The following EXTL3 variants were observed in gnomAD, a reference collection of about 807,000 sequenced individuals.
EXTL3 encodes exostosin like glycosyltransferase 3.
In EXTL3, 27 loss-of-function variants were observed where a neutral mutation model predicts 69.3. The observed-to-expected ratio is 0.39, with a 90% CI of 0.29 to 0.54. The LOEUF (loss-of-function observed/expected upper bound fraction) is 0.54, where lower values mean the gene tolerates loss of function less well. EXTL3 is among the 20% of genes least tolerant of loss of function. The pLI is 0.69. For synonymous variants in EXTL3, 511 were observed against 499.4 expected, an observed-to-expected ratio of 1.02 and a Z score of -0.31; for missense variants, 1,003 against 1,231.8, an observed-to-expected ratio of 0.81 and a Z score of 2.78.
chr8:28,702,458 C>T (rs1004780762), intron 1 of EXTL3, among the ~76,000 whole-genome samples: 18 of 152,374 alleles, frequency 1.2e-4, no homozygotes, highest in African/African-American at 4.3e-4. Flanking sequence ...CTGATGGGTG[C>T]TGCTTTCTCT....
At chr8:28,613,595 A>G (rs1461077856) in intron 2 of EXTL3, among the ~76,000 whole-genome samples, 2 of 152,218 alleles carry the variant, frequency 1.3e-5, no homozygotes, top group Admixed American at 6.5e-5. Context: ...AGAATTCACT[A>G]GTGAAACCAT....
At chr8:28,616,493 G>T (rs944640656) in intron 2 of EXTL3, among the ~76,000 whole-genome samples, 10 of 152,302 alleles carry the variant, frequency 6.6e-5, no homozygotes, top group Non-Finnish European at 1.0e-4. Flanking sequence ...AGGGCGTGGT[G>T]GCGGGCGCCT....
At chr8:28,747,729 T>C (rs1454891406) in intron 6 of EXTL3, among the ~76,000 whole-genome samples, 1 of 73,188 alleles carries the variant, frequency 1.4e-5, no homozygotes, top group Non-Finnish European at 2.8e-5. Flanking sequence ...TTTCTTTTTC[T>C]TTTTTTTTTT....
At position 28,750,668 on chromosome 8, in the gene EXTL3, G is replaced by A; in HGVS notation, c.2562G>A (p.Arg854=). The A allele has an allele frequency of 6.2e-7, 1 of 1,614,016 alleles. No homozygotes were observed. The highest frequency in any genetic ancestry group is 8.5e-7 in the Non-Finnish European group (1 of 1,179,902). ...TCTCCCGTTTCCAGGTGACCTCACG[G>A]TGGACATTCCGATGCCCAGGATGCC... The part of the protein sequence containing the change: ...TRKPPIKVTS[R]WTFRCPGCPQ... The change falls in exon 7 of 7, where the codon CGG becomes CGA. Residue 854 remains arginine (R), a synonymous_variant. Transcript: ENST00000220562. This position sits in a 1 kb window ranked among gnomAD's most constrained non-coding sequence, Gnocchi z 5.2.
intron 1 of EXTL3, among the ~76,000 whole-genome samples, chr8:28,650,735 C>G (rs954950114): frequency 6.6e-6 from 1 of 152,102 alleles, no homozygotes; most frequent in Non-Finnish European, 1.5e-5. Context: ...AGTTTCCATA[C>G]AGGTAGGAGT....
chr8:28,664,150 C>T (rs1807157939), intron 1 of EXTL3, among the ~76,000 whole-genome samples: 1 of 152,184 alleles, frequency 6.6e-6, no homozygotes, highest in South Asian at 2.1e-4. Flanking sequence ...TCATGGTCTG[C>T]TTGGGCTGCC....
chr8:28,723,784 G>A (rs755662013), intron 3 of EXTL3, among the ~76,000 whole-genome samples: 17 of 151,854 alleles, frequency 1.1e-4, no homozygotes, highest in Non-Finnish European at 2.2e-4. Context: ...TGGGACTACA[G>A]GCGCATACCA....
chr8:28,731,123 C>A, intron 3 of EXTL3, 100 bp from the exon 4 acceptor site: 1 of 1,475,908 alleles, frequency 6.8e-7, no homozygotes, highest in Non-Finnish European at 9.4e-7. Context: ...CAAAATTATT[C>A]AGTAAATCCA....
At chr8:28,698,099 C>G (rs570695105), upstream of EXTL3, 1 of 151,902 alleles carries the variant, frequency 6.6e-6, no homozygotes, top group African/African-American at 2.4e-5. Context: ...GATTTGGGAA[C>G]GAGAATGGGA....
chr8:28,717,074 C>T lies in EXTL3; in HGVS notation c.1015C>T (p.Arg339Trp), dbSNP rs747676107. The T allele has an allele frequency of 5.6e-6, 9 of 1,614,204 alleles. No homozygotes were observed. The highest frequency in any genetic ancestry group is 2.7e-5 in the African/African-American group (2 of 75,062). Residue 339 changes from arginine (R) to tryptophan (W), a missense_variant, in exon 3 of 7, where the codon CGG (arginine) becomes TGG (tryptophan). Physicochemically the swap from Arg to Trp is moderately radical, Grantham distance 101. Around this residue, in one of 2 missense-constraint regions of EXTL3, gnomAD observed 742 missense variants for 815.4 expected, o/e 0.91. Transcript: ENST00000220562. The surrounding 1 kb of genome is among the most constrained non-coding windows in gnomAD (Gnocchi z 8.3). ...MEIPPQVPVKRKYLFTFQGEK... is the reference protein window; with the variant it reads ...MEIPPQVPVKWKYLFTFQGEK... ...AATCCCACCACAGGTGCCGGTGAAG[C>T]GGAAATATCTCTTCACCTTCCAGGG...
intron 1 of EXTL3, among the ~76,000 whole-genome samples, chr8:28,702,574 A>G (rs1296018586): frequency 2.6e-5 from 1 of 38,038 alleles, no homozygotes; most frequent in African/African-American, 9.7e-5. Context: ...CACCCGCACC[A>G]CCCCACCCCC....
At chr8:28,695,448 C>T (rs1459507323) in intron 1 of EXTL3, among the ~76,000 whole-genome samples, 1 of 152,178 alleles carries the variant, frequency 6.6e-6, no homozygotes, top group Admixed American at 6.5e-5. Flanking sequence ...CACGTGGACA[C>T]CCAGTGTCAC....
intron 1 of EXTL3, among the ~76,000 whole-genome samples, chr8:28,652,123 G>A (rs1253627691): frequency 1.3e-5 from 2 of 151,888 alleles, no homozygotes; most frequent in African/African-American, 4.8e-5. Context: ...TCTAGCTTTT[G>A]GCTCTGGTGA....
intron 6 of EXTL3, among the ~76,000 whole-genome samples, 157 bp downstream of exon 6, chr8:28,743,371 A>G (rs1162494206): frequency 6.6e-6 from 1 of 152,234 alleles, no homozygotes; most frequent in Non-Finnish European, 1.5e-5. Context: ...GTGAGCTTAA[A>G]TGAGTTGTTA....
Position 28,715,639 on chromosome 8 carries a change from C to G in EXTL3, c.-421C>G, listed in dbSNP as rs747417940. The G allele has an allele frequency of 1.1e-5, 2 of 184,692 alleles. No homozygotes were observed. The highest frequency in any genetic ancestry group is 1.1e-4 in the Admixed American group (2 of 18,592). The allele number at this position is 184,692 out of a possible 1,614,324, so 11.4% of individuals were successfully genotyped here. On this transcript the variant is annotated 5_prime_UTR_variant, in exon 3 of 7. Coordinates refer to ENST00000220562, the MANE Select transcript of EXTL3 (RefSeq NM_001440.4). ...AGCTGGCATTTATTTCTGTTCTAAC[C>G]TATTACTGTATAACTGTGAATAGAC...
intron 1 of EXTL3, among the ~76,000 whole-genome samples, chr8:28,635,392 T>TAA (rs372980960): frequency 8.7e-5 from 10 of 114,424 alleles, no homozygotes; most frequent in Non-Finnish European, 8.9e-5. Context: ...ACTGGTCTCT[T>TAA]AAAAAAAAAA....
rs549994492 is a variant in EXTL3 at position 28,713,592 on chromosome 8, T to G, written c.-476+42T>G. 5.2e-5 allele frequency: 36 copies of G among 692,026 alleles called. No homozygotes were observed. In the African/African-American group the frequency reaches 5.5e-4, roughly 10 times the overall value. 42.9% of individuals were successfully genotyped at this position (692,026 alleles called of 1,614,324 possible). On this transcript the variant is annotated intron_variant, in intron 2 of 6. Transcript: ENST00000220562. ...TCAGCTGGATTGCTGTGATTACGCC[T>G]TCTTTTCTTTTTCTTCCATTCTGTT... is the stretch of plus-strand genomic sequence containing the variant.
chr8:28,737,332 G>A (rs1801674062), intron 4 of EXTL3, among the ~76,000 whole-genome samples, 187 bp from the exon 5 acceptor site: 1 of 152,214 alleles, frequency 6.6e-6, no homozygotes, highest in Admixed American at 6.5e-5. Flanking sequence ...TATTAAGGAA[G>A]CTGAATATGA....
intron 1 of EXTL3, among the ~76,000 whole-genome samples, chr8:28,711,655 T>A (rs1801033820): frequency 6.6e-6 from 1 of 152,252 alleles, no homozygotes; most frequent in South Asian, 2.1e-4. Context: ...AGCTGCCTCC[T>A]GGCTCTGAAG....
Sources: gnomAD v4.1 joint callset for allele counts (sites outside exome capture counted in the v4.1 genomes callset) on GRCh38, gnomAD v4.1.1 for gene constraint, gnomAD v4.1.1 regional missense constraint, Gnocchi (gnomAD v3.1) non-coding constraint, MANE v1.5 for transcripts, NCBI Gene and HGNC (gene_info 2026-07-23, HGNC 2026-07-21) for gene names.